STAP2: variants seen among roughly 807,000 people sequenced by gnomAD.
STAP2 encodes signal-transducing adaptor protein 2.
A neutral mutation model predicts 52.7 loss-of-function variants in STAP2; 58 were observed. The observed-to-expected ratio is 1.10, with a 90% CI of 0.89 to 1.37. The LOEUF is 1.37. STAP2 is among the 40% of genes most tolerant of loss of function. The pLI is 0.00. For missense variants in STAP2, 522 were observed against 519.4 expected (o/e 1.00, Z -0.05); for synonymous variants, 231 against 210.5 (o/e 1.10, Z -0.84).
intron 4 of STAP2, among the ~76,000 whole-genome samples, chr19:4,331,789 G>C (rs1437468552): frequency 6.7e-6 from 1 of 149,506 alleles, no homozygotes; most frequent in Non-Finnish European, 1.5e-5. Flanking sequence ...AAAATTAGCC[G>C]GGCGTGGTGG....
intron 3 of STAP2, among the ~76,000 whole-genome samples, chr19:4,333,054 G>T (rs1971919041): frequency 2.0e-5 from 3 of 151,412 alleles, no homozygotes; most frequent in Non-Finnish European, 2.9e-5. Flanking sequence ...GCTGTGCGTG[G>T]TGGCACACGC....
intron 1 of STAP2, among the ~76,000 whole-genome samples, 156 bp from the exon 2 acceptor site, chr19:4,334,200 T>C (rs1188538949): frequency 2.0e-5 from 3 of 152,098 alleles, no homozygotes; most frequent in African/African-American, 7.2e-5. Context: ...TCTGATCAAA[T>C]GTACCTTCTC....
rs1183990311 is a variant in STAP2 at position 4,326,932 on chromosome 19, G to T, written c.829+10C>A. ...CCCTCCCACCTCGGCCCGCGGGAAG[G>T]GGGCGTCACCTGGGCCCGGAGCGGA... On this transcript the variant is annotated intron_variant, in intron 9 of 12. Coordinates refer to ENST00000594605, the MANE Select transcript of STAP2 (RefSeq NM_001013841.2). 4.5e-6 allele frequency: 7 copies of T among 1,551,218 alleles called. No homozygotes were observed. The highest frequency in any genetic ancestry group is 2.0e-5 in the Admixed American group (1 of 51,006).
At chr19:4,329,549 C>G (rs1971853805) in intron 5 of STAP2, among the ~76,000 whole-genome samples, 1 of 152,030 alleles carries the variant, frequency 6.6e-6, no homozygotes, top group Non-Finnish European at 1.5e-5. Context: ...GCCCGCCTCC[C>G]TGATCACCAA....
intron 12 of STAP2, 90 bp downstream of exon 12, chr19:4,324,365 G>C: frequency 7.4e-7 from 1 of 1,359,808 alleles, no homozygotes; most frequent in Non-Finnish European, 1.0e-6. Context: ...AACCTTAAAA[G>C]ACAGGGCGCT....
chr19:4,329,328 G>T (rs1393674176), intron 5 of STAP2, among the ~76,000 whole-genome samples: 3 of 151,394 alleles, frequency 2.0e-5, no homozygotes, highest in Admixed American at 6.6e-5. Flanking sequence ...GATGGGTCTC[G>T]AACTGGGTAA....
chr19:4,326,517 C>G (rs1012326354), intron 9 of STAP2, among the ~76,000 whole-genome samples: 9 of 152,148 alleles, frequency 5.9e-5, no homozygotes, highest in Admixed American at 2.6e-4. Context: ...CCAACACCCA[C>G]CCGGATTCTC....
In STAP2 at chr19:4,327,391, C is replaced by T. The variant is rs367842237; in HGVS notation, c.591-6G>A. 2 of 1,613,932 alleles carry T rather than the reference C, an allele frequency of 1.2e-6. No homozygotes were observed. Among genetic ancestry groups the T allele is most frequent in the African/African-American group, 2.7e-5 (2 of 74,926 alleles). On this transcript the variant is annotated splice_polypyrimidine_tract_variant and splice_region_variant and intron_variant, in intron 6 of 12. Transcript: ENST00000594605. ...AATGCCGGACCACGTGCGTCCTGCACCAGGAGAAAGCGAGTGAGTGGCTCA... is the reference window on the plus strand; with the variant it reads ...AATGCCGGACCACGTGCGTCCTGCATCAGGAGAAAGCGAGTGAGTGGCTCA...
At position 4,327,154 on chromosome 19, in the gene STAP2, G is replaced by A. The variant is rs1443343139; in HGVS notation, c.733C>T (p.Leu245=). 6.2e-7 allele frequency: 1 copy of A among 1,614,100 alleles called. No individual in the cohort carries two copies. Among genetic ancestry groups the A allele is most frequent in the East Asian group, 2.2e-5 (1 of 44,898 alleles). Reference sequence around the variant, plus strand: ...ACCTTCTCGTAGTCCTCGTCTAACAGGAATGGCACCAGCGCCTTTTTGGTA... The same window carrying A: ...ACCTTCTCGTAGTCCTCGTCTAACAAGAATGGCACCAGCGCCTTTTTGGTA... ...SHTKKALVPF[L]LDEDYEKVLG... The change falls in exon 8 of 13, where the codon CTG becomes TTG. Residue 245 remains leucine, a synonymous_variant. Coordinates refer to ENST00000594605, the MANE Select transcript of STAP2 (RefSeq NM_001013841.2).
chr19:4,338,693 A>G lies in STAP2; in HGVS notation c.61T>C (p.Tyr21His). ...PKPKGVLPSH[Y>H]YESFLEKKGP... ...TTCTTCTCTAGAAAGCTCTCATAGT[A>G]GTGTGAAGGCAGGACACCCTTAGGC... The change falls in exon 1 of 13, where the codon TAC becomes CAC. Residue 21 changes from tyrosine to histidine, a missense_variant. Coordinates refer to ENST00000594605, the MANE Select transcript of STAP2 (RefSeq NM_001013841.2). The G allele has an allele frequency of 6.2e-7, 1 of 1,613,614 alleles. No individual in the cohort carries two copies. The highest frequency in any genetic ancestry group is 8.5e-7 in the Non-Finnish European group (1 of 1,179,778).
rs746859181 is a variant in STAP2 at position 4,333,712 on chromosome 19, A to AT, written c.278dup (p.Asp93GlufsTer45). On this transcript the variant is annotated frameshift_variant, in exon 3 of 13. Transcript: ENST00000594605. LOFTEE classifies it high-confidence loss of function. ...GACCTACCTTGAACTTGATCTCCTG[A>AT]TCCCGGAGAATCAGGCTGAAGTGGG... is the stretch of plus-strand genomic sequence containing the variant. 2 of 1,612,454 alleles carry AT rather than the reference A, an allele frequency of 1.2e-6. No homozygotes were observed. Among genetic ancestry groups the AT allele is most frequent in the South Asian group, 2.2e-5 (2 of 90,978 alleles).
intron 4 of STAP2, among the ~76,000 whole-genome samples, chr19:4,331,239 G>C (rs952312591): frequency 6.6e-6 from 1 of 152,158 alleles, no homozygotes; most frequent in Non-Finnish European, 1.5e-5. Context: ...TGAGGCAGGA[G>C]GACTGCTTGA....
chr19:4,326,244 G>C (rs1971791047), intron 9 of STAP2, among the ~76,000 whole-genome samples: 2 of 152,324 alleles, frequency 1.3e-5, no homozygotes, highest in South Asian at 4.1e-4. Flanking sequence ...CATAGCATTT[G>C]TATGTGACTG....
chr19:4,328,184 C>G (rs776354206), intron 6 of STAP2: 1 of 219,050 alleles, frequency 4.6e-6, no homozygotes, highest in Non-Finnish European at 9.3e-6. Flanking sequence ...AACCCCATAC[C>G]TGGGGCAAGG....
Position 4,328,538 on chromosome 19 carries a change from G to A in STAP2, c.590+137C>T, listed in dbSNP as rs934453101. The A allele has an allele frequency of 2.3e-4, 283 of 1,210,936 alleles. 1 individual carries two copies. In the East Asian group the frequency reaches 5.3e-3, roughly 23 times the overall value. The allele number at this position is 1,210,936 out of a possible 1,614,324, so 75.0% of individuals were successfully genotyped here. The stretch of plus-strand genomic sequence containing the variant: ...CTCAGCTCTGACTCCGTCCCCAGAC[G>A]CCCGTCTCGGCTCTGGCTCCGTCCC... On this transcript the variant is annotated intron_variant, in intron 6 of 12. Transcript: ENST00000594605.
chr19:4,335,869 A>G (rs1971973309), intron 1 of STAP2, among the ~76,000 whole-genome samples: 1 of 152,192 alleles, frequency 6.6e-6, no homozygotes, highest in South Asian at 2.1e-4. Context: ...AACTGTGACT[A>G]CAGCCCTAAC....
At position 4,334,510 on chromosome 19, in the gene STAP2, C is replaced by T. The variant is rs901966236; in HGVS notation, c.103-466G>A. ...ATTCATCCATCCATCCATCTGCCCA[C>T]CATCCATCCACCAATCCGTCCACCC... On this transcript the variant is annotated intron_variant, in intron 1 of 12. Coordinates refer to ENST00000594605, the MANE Select transcript of STAP2 (RefSeq NM_001013841.2). Among the ~76,000 whole-genome samples the T allele has an allele frequency of 2.7e-5, 4 of 148,120 alleles. No homozygotes were observed. The South Asian group carries it at 6.5e-4, about 24-fold the overall frequency.
At position 4,334,050 on chromosome 19, in the gene STAP2, G is replaced by A; in HGVS notation, c.103-6C>T. ...GCCCAGAACTTCTTGTAATCCTAGGGACCAGAAGTGCAGAAAGAAGAGGTG... is the reference window on the plus strand; with the variant it reads ...GCCCAGAACTTCTTGTAATCCTAGGAACCAGAAGTGCAGAAAGAAGAGGTG... On this transcript the variant is annotated splice_polypyrimidine_tract_variant and splice_region_variant and intron_variant, in intron 1 of 12. Transcript: ENST00000594605. 1.2e-6 allele frequency: 2 copies of A among 1,606,504 alleles called. No individual in the cohort carries two copies. The highest frequency in any genetic ancestry group is 1.3e-5 in the African/African-American group (1 of 74,536).
At chr19:4,331,496 G>A (rs1971889025) in intron 4 of STAP2, among the ~76,000 whole-genome samples, 1 of 151,778 alleles carries the variant, frequency 6.6e-6, no homozygotes, top group South Asian at 2.1e-4. Context: ...CAGGCGTGGT[G>A]GCGGACGCCT....
Sources: gnomAD v4.1 joint callset for allele counts (sites outside exome capture counted in the v4.1 genomes callset) on GRCh38, gnomAD v4.1.1 for gene constraint, MANE v1.5 for transcripts, NCBI Gene and HGNC (gene_info 2026-07-23, HGNC 2026-07-21) for gene names.